Variants in ROBO2 observed in about 807,000 individuals in gnomAD.
ROBO2 encodes roundabout guidance receptor 2, also known as roundabout homolog 2.
Under a neutral mutation model 160.8 loss-of-function variants are expected in ROBO2, and 53 were observed. The ratio of observed to expected loss-of-function variants is 0.33; its 90% confidence interval spans 0.26 to 0.41. The LOEUF (loss-of-function observed/expected upper bound fraction) is 0.41, where lower values mean the gene tolerates loss of function less well. Ranked by LOEUF, ROBO2 falls within the 10% of genes least tolerant of loss-of-function variation. ROBO2 has a pLI of 1.00. For synonymous variants in ROBO2, 664 were observed against 611.7 expected (o/e 1.09, Z -1.26); for missense variants, 1,577 against 1,722.4 (o/e 0.92, Z 1.49).
At chr3:77,177,814 CT>C (rs376645378) in intron 2 of ROBO2, among the ~76,000 whole-genome samples, 16 of 152,104 alleles carry the variant, frequency 1.1e-4, no homozygotes, top group East Asian at 9.7e-4. Flanking sequence ...AAGTAGATCT[CT>C]TTCCCCCTTC....
chr3:77,287,127 A>C (rs1021042815), intron 2 of ROBO2, among the ~76,000 whole-genome samples: 1 of 152,200 alleles, frequency 6.6e-6, no homozygotes, highest in African/African-American at 2.4e-5. Context: ...TCCATCATAC[A>C]ATCCCTTACG....
At chr3:76,486,291 T>G (rs1207600909) in intron 2 of ROBO2, among the ~76,000 whole-genome samples, 3 of 152,198 alleles carry the variant, frequency 2.0e-5, no homozygotes, top group African/African-American at 7.2e-5. Flanking sequence ...ACTTGAGCTC[T>G]TATGCAGAGA....
chr3:76,435,018 C>T (rs2076605955), intron 2 of ROBO2: 1 of 1,446,248 alleles, frequency 6.9e-7, no homozygotes, highest in Non-Finnish European at 9.7e-7. Flanking sequence ...TGTTTCCAAC[C>T]TGGTGATTGA....
intron 2 of ROBO2, among the ~76,000 whole-genome samples, chr3:76,833,419 A>G (rs1576923566): frequency 6.6e-6 from 1 of 152,156 alleles, no homozygotes; most frequent in African/African-American, 2.4e-5. Context: ...TGAGAGAGAT[A>G]AAAGTTTGTG....
At chr3:76,518,343 T>A (rs1469351114) in intron 2 of ROBO2, among the ~76,000 whole-genome samples, 1 of 152,074 alleles carries the variant, frequency 6.6e-6, no homozygotes. Context: ...GTAGGTATGA[T>A]GTTTTGGGGG....
At chr3:77,541,947 G>GTT (rs138412817) in intron 6 of ROBO2, among the ~76,000 whole-genome samples, 1 of 149,550 alleles carries the variant, frequency 6.7e-6, no homozygotes, top group African/African-American at 2.5e-5. Flanking sequence ...GGACCTAGTA[G>GTT]TTTTTTTTTT....
chr3:76,104,707 T>G, intron 2 of ROBO2, among the ~76,000 whole-genome samples: 1 of 152,170 alleles, frequency 6.6e-6, no homozygotes, highest in East Asian at 1.9e-4. Flanking sequence ...ATGAGAGACA[T>G]CTCTTTAAAT....
At chr3:76,451,197 C>T (rs1021720409) in intron 2 of ROBO2, among the ~76,000 whole-genome samples, 3 of 152,130 alleles carry the variant, frequency 2.0e-5, no homozygotes, top group Non-Finnish European at 4.4e-5. Context: ...GTGGACTCTT[C>T]CAGTTGCAAG....
At chr3:77,382,148 G>A (rs569502314) in intron 2 of ROBO2, among the ~76,000 whole-genome samples, 57 of 152,132 alleles carry the variant, frequency 3.7e-4, no homozygotes, top group Non-Finnish European at 6.9e-4. Context: ...TAAAGCTGAG[G>A]CATAAATGGC....
At chr3:76,123,763 A>C (rs2070849337) in intron 2 of ROBO2, among the ~76,000 whole-genome samples, 1 of 151,770 alleles carries the variant, frequency 6.6e-6, no homozygotes. Context: ...CTTAGTTCAC[A>C]CTCTCTGGTG....
intron 2 of ROBO2, among the ~76,000 whole-genome samples, chr3:77,197,566 T>C (rs2082417392): frequency 6.6e-6 from 1 of 152,208 alleles, no homozygotes; most frequent in South Asian, 2.1e-4. Context: ...AAAGAGGAAC[T>C]GATTTGAACA....
intron 18 of ROBO2, among the ~76,000 whole-genome samples, chr3:77,595,891 A>T (rs1381628263): frequency 6.6e-6 from 1 of 152,166 alleles, no homozygotes; most frequent in Admixed American, 6.5e-5. Context: ...TGCAATGATT[A>T]TAGATGTTCT....
chr3:76,292,713 C>A (rs897374966), intron 2 of ROBO2, among the ~76,000 whole-genome samples: 2 of 151,930 alleles, frequency 1.3e-5, no homozygotes, highest in Non-Finnish European at 2.9e-5. Context: ...AAAAAATTAA[C>A]TGAATAAAGA....
intron 2 of ROBO2, among the ~76,000 whole-genome samples, chr3:76,273,120 A>AAT (rs749043409): frequency 0.037 from 1,186 of 32,316 alleles, 19 homozygotes; most frequent in African/African-American, 0.046. Flanking sequence ...CACACATATA[A>AAT]ATATATATAT....
chr3:75,934,817 T>G (rs1947700799), intron 1 of ROBO2, among the ~76,000 whole-genome samples: 1 of 152,300 alleles, frequency 6.6e-6, no homozygotes, highest in East Asian at 1.9e-4. Flanking sequence ...AAATACTGCC[T>G]CAGTTCTATA....
intron 2 of ROBO2, among the ~76,000 whole-genome samples, chr3:77,332,643 G>T (rs1452640661): frequency 6.6e-6 from 1 of 152,058 alleles, no homozygotes; most frequent in Non-Finnish European, 1.5e-5. Flanking sequence ...TGTACATAAT[G>T]TATATTTAGT....
In ROBO2 at chr3:77,229,538, G is replaced by A. The variant is rs532703298; in HGVS notation, c.388+131198G>A. Among the ~76,000 whole-genome samples the A allele has an allele frequency of 4.6e-5, 7 of 152,090 alleles. No homozygotes were observed. The South Asian group carries it at 1.0e-3, about 23-fold the overall frequency. ...TAGCCAGGTGTGGTGGTGGGCTCTT[G>A]TAATTCCAGCCACTTGGGAGGCTGA... is the stretch of plus-strand genomic sequence containing the variant. On this transcript the variant is annotated intron_variant, in intron 2 of 25. Coordinates refer to ENST00000461745, the Ensembl canonical transcript of ROBO2.
At chr3:76,773,044 A>T (rs1238783442) in intron 2 of ROBO2, among the ~76,000 whole-genome samples, 3 of 151,072 alleles carry the variant, frequency 2.0e-5, no homozygotes, top group African/African-American at 7.3e-5. Context: ...GCGAAATGAG[A>T]TTTCAAAGAA....
intron 2 of ROBO2, among the ~76,000 whole-genome samples, chr3:77,395,580 G>C (rs1560715990): frequency 6.6e-6 from 1 of 152,124 alleles, no homozygotes; most frequent in Non-Finnish European, 1.5e-5. Context: ...CTGATATTAA[G>C]TAATTGCTAT....
Sources: gnomAD v4.1 joint callset for allele counts (sites outside exome capture counted in the v4.1 genomes callset) on GRCh38, gnomAD v4.1.1 for gene constraint, MANE v1.5 for transcripts, NCBI Gene and HGNC (gene_info 2026-07-23, HGNC 2026-07-21) for gene names.